RIPOR2: variants seen among roughly 807,000 people sequenced by gnomAD.
The protein encoded by RIPOR2 is RHO family interacting cell polarization regulator 2, also known as rho family-interacting cell polarization regulator 2.
A neutral mutation model predicts 114.5 loss-of-function variants in RIPOR2; 39 were observed. The ratio of observed to expected loss-of-function variants is 0.34; its 90% CI spans 0.26 to 0.44. RIPOR2 has a LOEUF of 0.44. RIPOR2 is among the 20% of genes least tolerant of loss of function. The pLI is 1.00. For missense variants in RIPOR2, 1,007 were observed against 1,255.1 expected, an observed-to-expected ratio of 0.80 and a Z score of 2.99; for synonymous variants, 445 against 484.4, an observed-to-expected ratio of 0.92 and a Z score of 1.07.
chr6:24,837,590 A>G (rs1761228490), intron 14 of RIPOR2, among the ~76,000 whole-genome samples: 1 of 152,020 alleles, frequency 6.6e-6, no homozygotes, highest in African/African-American at 2.4e-5. Context: ...TTGTATTTTT[A>G]GTAGAGATGG....
chr6:25,009,239 T>C (rs1171398023), intron 1 of RIPOR2, among the ~76,000 whole-genome samples: 2 of 152,214 alleles, frequency 1.3e-5, no homozygotes, highest in Non-Finnish European at 2.9e-5. Context: ...CCTGCTTCTG[T>C]AAGCAGGTCA....
chr6:25,027,486 C>T (rs979343179), intron 1 of RIPOR2, among the ~76,000 whole-genome samples: 1 of 152,200 alleles, frequency 6.6e-6, no homozygotes, highest in South Asian at 2.1e-4. Flanking sequence ...CTTTCACGCA[C>T]GGCACAGAAG....
At chr6:24,882,431 G>A (rs1306733807) in intron 1 of RIPOR2, among the ~76,000 whole-genome samples, 1 of 152,214 alleles carries the variant, frequency 6.6e-6, no homozygotes, top group African/African-American at 2.4e-5. Context: ...TGATTAACCT[G>A]TAAGGCAACT....
intron 17 of RIPOR2, among the ~76,000 whole-genome samples, chr6:24,828,963 T>A (rs537779857): frequency 6.6e-6 from 1 of 152,186 alleles, no homozygotes; most frequent in Admixed American, 6.6e-5. Context: ...CACAACAAAG[T>A]ATCTGTGAGA....
chr6:25,031,696 T>C (rs143450847), intron 1 of RIPOR2, among the ~76,000 whole-genome samples: 1,339 of 54,830 alleles, frequency 0.024, 44 homozygotes, highest in East Asian at 0.074. Context: ...ATGTAGGTGG[T>C]AGTTATATAT....
chr6:25,022,703 C>G (rs960690731), intron 1 of RIPOR2, among the ~76,000 whole-genome samples: 1 of 151,326 alleles, frequency 6.6e-6, no homozygotes, highest in African/African-American at 2.4e-5. Flanking sequence ...GTGCCACCAC[C>G]CCAGCTAATT....
intron 4 of RIPOR2, 28 bp downstream of exon 4, chr6:24,872,853 A>C (rs746998781): frequency 2.1e-6 from 3 of 1,463,076 alleles, no homozygotes; most frequent in Non-Finnish European, 2.9e-6. Flanking sequence ...GAACAGTGTT[A>C]ACATCATAAT....
chr6:24,995,422 G>T (rs1775002756), intron 1 of RIPOR2, among the ~76,000 whole-genome samples: 1 of 152,236 alleles, frequency 6.6e-6, no homozygotes, highest in Non-Finnish European at 1.5e-5. Context: ...GGGGAAGGGA[G>T]TAGGGGCAAG....
chr6:25,014,048 G>A (rs1775876200), intron 1 of RIPOR2, among the ~76,000 whole-genome samples: 1 of 152,128 alleles, frequency 6.6e-6, no homozygotes, highest in African/African-American at 2.4e-5. Flanking sequence ...GTTACCCCTC[G>A]TATTTTTCAA....
At chr6:24,849,251 T>C (rs1355486868) in intron 11 of RIPOR2, among the ~76,000 whole-genome samples, 1 of 152,214 alleles carries the variant, frequency 6.6e-6, no homozygotes. Flanking sequence ...CGGGTGAATT[T>C]GGAAAACGAT....
chr6:24,824,071 C>G (rs947564687), intron 19 of RIPOR2, among the ~76,000 whole-genome samples: 1 of 152,148 alleles, frequency 6.6e-6, no homozygotes, highest in African/African-American at 2.4e-5. Context: ...GTTGCTATTT[C>G]TAAGGGCACA....
intron 19 of RIPOR2, among the ~76,000 whole-genome samples, chr6:24,824,274 A>G (rs879120446): frequency 6.6e-6 from 1 of 152,250 alleles, no homozygotes; most frequent in African/African-American, 2.4e-5. Flanking sequence ...CTGAAAGATC[A>G]TAACTGTGTA....
chr6:24,820,126 G>A (rs567139055), intron 19 of RIPOR2, among the ~76,000 whole-genome samples: 50 of 152,144 alleles, frequency 3.3e-4, no homozygotes, highest in African/African-American at 1.1e-3. Context: ...TCCGCCTCCC[G>A]GGTTCAAGCG....
intron 1 of RIPOR2, among the ~76,000 whole-genome samples, chr6:25,005,698 T>G (rs181443009): frequency 5.3e-3 from 109 of 20,730 alleles, no homozygotes; most frequent in East Asian, 0.024. Context: ...TATGGAGATA[T>G]ATATATATAT....
chr6:24,825,494 A>G, intron 18 of RIPOR2, 66 bp from the exon 19 acceptor site: 1 of 1,172,354 alleles, frequency 8.5e-7, no homozygotes. Flanking sequence ...CATTACAAAT[A>G]TAAATAGAAC....
At chr6:24,979,283 CTTTTT>C (rs60372040) in intron 1 of RIPOR2, among the ~76,000 whole-genome samples, 166 of 99,440 alleles carry the variant, frequency 1.7e-3, no homozygotes, top group South Asian at 7.7e-3. Flanking sequence ...TAGGGAAATT[CTTTTT>C]TTTTTTTTTT....
chr6:24,980,358 C>T (rs1774235639), intron 1 of RIPOR2, among the ~76,000 whole-genome samples: 1 of 152,134 alleles, frequency 6.6e-6, no homozygotes, highest in Non-Finnish European at 1.5e-5. Context: ...CTATATTTTC[C>T]CATATCACCA....
upstream of RIPOR2, among the ~76,000 whole-genome samples, chr6:24,940,126 A>G (rs1482940043): frequency 6.6e-6 from 1 of 152,256 alleles, no homozygotes; most frequent in Non-Finnish European, 1.5e-5. Context: ...ATGAATATCA[A>G]CACAGTATTA....
At chr6:24,877,088 C>T in intron 1 of RIPOR2, 5 of 985,280 alleles carry the variant, frequency 5.1e-6, no homozygotes, top group Non-Finnish European at 6.0e-6. Context: ...CGACAATTGC[C>T]CTTTAAAGAC....
Sources: allele counts gnomAD v4.1 joint callset (sites outside exome capture counted in the v4.1 genomes callset), GRCh38; gene constraint gnomAD v4.1.1; transcripts MANE v1.5; gene names NCBI Gene and HGNC (gene_info 2026-07-23, HGNC 2026-07-21).